ULK2: variants seen among roughly 807,000 people sequenced by gnomAD.
The protein encoded by ULK2 is unc-51 like autophagy activating kinase 2, also known as serine/threonine-protein kinase ULK2.
In ULK2, 76 loss-of-function variants were observed where a neutral mutation model predicts 127.5. The observed-to-expected ratio is 0.60, with a 90% CI of 0.50 to 0.72. ULK2 has a LOEUF of 0.72. Among genes scored for constraint, ULK2 ranks in the 30% least tolerant of loss-of-function variants. ULK2 has a pLI of 0.00. For synonymous variants in ULK2, 452 were observed against 461.9 expected (o/e 0.98, Z 0.28); for missense variants, 1,144 against 1,295.9 (o/e 0.88, Z 1.80).
At chr17:19,794,002 GAC>G (rs2087212411) in intron 20 of ULK2, among the ~76,000 whole-genome samples, 1 of 152,162 alleles carries the variant, frequency 6.6e-6, no homozygotes, top group Non-Finnish European at 1.5e-5. Flanking sequence ...AGGTAATACA[GAC>G]AGAGAGATGG....
chr17:19,824,387 C>T (rs775077290), intron 12 of ULK2, among the ~76,000 whole-genome samples: 4 of 133,600 alleles, frequency 3.0e-5, no homozygotes, highest in Non-Finnish European at 6.1e-5. Flanking sequence ...GCGGAGGTTG[C>T]AGTGAGCCAA....
intron 3 of ULK2, among the ~76,000 whole-genome samples, chr17:19,850,405 C>T (rs1230535595): frequency 6.6e-6 from 1 of 152,190 alleles, no homozygotes. Flanking sequence ...AGCTCCAGGT[C>T]TGCTGTTGAT....
intron 19 of ULK2, 39 bp downstream of exon 19, chr17:19,796,056 G>A: frequency 6.4e-7 from 1 of 1,573,548 alleles, no homozygotes; most frequent in Non-Finnish European, 8.6e-7. Context: ...TACTATTACA[G>A]TTTTCATGTT....
At chr17:19,776,656 C>G (rs769790171) in intron 26 of ULK2, among the ~76,000 whole-genome samples, 4 of 152,134 alleles carry the variant, frequency 2.6e-5, no homozygotes, top group Non-Finnish European at 5.9e-5. Flanking sequence ...CCTCCTGTGG[C>G]TACTCAAAAT....
At chr17:19,851,055 G>A (rs2042003112) in intron 3 of ULK2, among the ~76,000 whole-genome samples, 1 of 151,450 alleles carries the variant, frequency 6.6e-6, no homozygotes, top group South Asian at 2.1e-4. Context: ...GCTCATGCCT[G>A]TAATCCCAAC....
At chr17:19,809,727 C>CTGGA (rs2087589260) in intron 14 of ULK2, among the ~76,000 whole-genome samples, 1 of 101,096 alleles carries the variant, frequency 9.9e-6, no homozygotes, top group Non-Finnish European at 1.8e-5. Context: ...GACGAGACTC[C>CTGGA]GTCTCAAAAA....
intron 14 of ULK2, among the ~76,000 whole-genome samples, chr17:19,805,151 G>A (rs1654121882): frequency 6.6e-6 from 1 of 152,190 alleles, no homozygotes; most frequent in Admixed American, 6.5e-5. Context: ...TCATTACTAT[G>A]TGAGAGAAAA....
At chr17:19,802,072 G>A in intron 15 of ULK2, 150 bp from the exon 16 acceptor site, 4 of 854,992 alleles carry the variant, frequency 4.7e-6, no homozygotes, top group Non-Finnish European at 6.7e-6. Flanking sequence ...CATAAAAAGA[G>A]TGAGGTCTCC....
chr17:19,853,349 G>C (rs1332283243), intron 3 of ULK2, among the ~76,000 whole-genome samples: 1 of 151,558 alleles, frequency 6.6e-6, no homozygotes, highest in African/African-American at 2.4e-5. Flanking sequence ...CGTTGCCCAG[G>C]CTGGTCCCAA....
chr17:19,797,340 C>T (rs2087293305), intron 18 of ULK2, 56 bp downstream of exon 18: 1 of 1,488,812 alleles, frequency 6.7e-7, no homozygotes, highest in Non-Finnish European at 9.0e-7. Context: ...ATAATGAATC[C>T]TTTCCATAAA....
At chr17:19,863,871 A>G (rs1237463624) in intron 3 of ULK2, among the ~76,000 whole-genome samples, 1 of 152,174 alleles carries the variant, frequency 6.6e-6, no homozygotes, top group African/African-American at 2.4e-5. Context: ...ATGCAACTCT[A>G]CTGCATGCCA....
rs1309539798 is a variant in ULK2 at position 19,779,111 on chromosome 17, A to G, written c.2916+1361T>C. On this transcript the variant is annotated intron_variant, in intron 25 of 26. Transcript: ENST00000395544. ...TATTTTTGTCAAGAATTTATATTCC[A>G]AAGTTATTTTCCTATGGTTATTTTA... 3.3e-5 allele frequency among the ~76,000 whole-genome samples: 5 copies of G among 152,332 alleles called. No individual in the cohort carries two copies. The East Asian group carries it at 9.6e-4, about 29-fold the overall frequency.
Position 19,867,320 on chromosome 17 carries a change from G to A in ULK2, c.90+8C>T. Reference sequence around the variant, plus strand: ...CCGGGGCCCGGCCTCGCCCCGGCCGGCGCTCACCTGGCGGTGCCGCCCCCG... The same window carrying A: ...CCGGGGCCCGGCCTCGCCCCGGCCGACGCTCACCTGGCGGTGCCGCCCCCG... On this transcript the variant is annotated splice_region_variant and intron_variant, in intron 1 of 26. Coordinates refer to ENST00000395544, the MANE Select transcript of ULK2 (RefSeq NM_014683.4). 6.3e-7 allele frequency: 1 copy of A among 1,577,488 alleles called. No homozygotes were observed. Among genetic ancestry groups the A allele is most frequent in the Non-Finnish European group, 8.6e-7 (1 of 1,164,558 alleles).
At chr17:19,782,096 A>T in intron 22 of ULK2, 29 bp from the exon 23 acceptor site, 1 of 1,608,256 alleles carries the variant, frequency 6.2e-7, no homozygotes, top group Non-Finnish European at 8.5e-7. Context: ...GTCTTAGAAA[A>T]TTTCAGATTA....
At chr17:19,828,898 G>A (rs1311392878) in intron 10 of ULK2, among the ~76,000 whole-genome samples, 1 of 152,144 alleles carries the variant, frequency 6.6e-6, no homozygotes, top group Non-Finnish European at 1.5e-5. Flanking sequence ...AGACCAGCCT[G>A]GGCAACATGG....
At chr17:19,859,210 C>T (rs2042192402) in intron 3 of ULK2, among the ~76,000 whole-genome samples, 1 of 151,628 alleles carries the variant, frequency 6.6e-6, no homozygotes, top group Admixed American at 6.6e-5. Flanking sequence ...AAGGTCACTA[C>T]TGGTTAAAAA....
Position 19,783,888 on chromosome 17 carries a change from C to G in ULK2, c.2269G>C (p.Gly757Arg). Reference protein sequence around the residue: ...RTTSVGPSNSGGSLCAMSGRV... With the variant: ...RTTSVGPSNSRGSLCAMSGRV... ...CCACTCATGGCACAAAGAGAGCCCC[C>G]GGAGTTGCTGGGCCCCACTACAAGG... Residue 757 changes from glycine to arginine, a missense_variant, in exon 22 of 27, where the codon GGG (glycine) becomes CGG (arginine). Around this residue, in one of 2 missense-constraint regions of ULK2, gnomAD observed 913 missense variants for 970.5 expected, o/e 0.94. Transcript: ENST00000395544. 6.6e-7 allele frequency: 1 copy of G among 1,521,602 alleles called. No homozygotes were observed. The highest frequency in any genetic ancestry group is 1.3e-5 in the South Asian group (1 of 74,998). 94.3% of individuals were successfully genotyped at this position (1,521,602 alleles called of 1,614,324 possible).
intron 22 of ULK2, among the ~76,000 whole-genome samples, chr17:19,783,207 C>T (rs910545181): frequency 6.6e-6 from 1 of 152,098 alleles, no homozygotes; most frequent in Non-Finnish European, 1.5e-5. Context: ...AATCCTAGCA[C>T]TTTGGGAGGC....
chr17:19,822,134 C>T (rs906878691), intron 12 of ULK2, among the ~76,000 whole-genome samples: 2 of 151,530 alleles, frequency 1.3e-5, no homozygotes, highest in Non-Finnish European at 2.9e-5. Flanking sequence ...TACAGGCGCA[C>T]GCCACCACAC....
Sources: allele counts gnomAD v4.1 joint callset (sites outside exome capture counted in the v4.1 genomes callset), GRCh38; gene constraint gnomAD v4.1.1; regional missense constraint gnomAD v4.1.1; transcripts MANE v1.5; gene names NCBI Gene and HGNC (gene_info 2026-07-23, HGNC 2026-07-21).